CDH6: variants seen among roughly 807,000 people sequenced by gnomAD.
The protein encoded by CDH6 is cadherin-6.
A neutral mutation model predicts 78.0 loss-of-function variants in CDH6; 31 were observed. That is an observed-to-expected ratio of 0.40 (90% CI 0.30 to 0.54). CDH6 has a LOEUF of 0.54. Among genes scored for constraint, CDH6 ranks in the 20% least tolerant of loss-of-function variants. The pLI, the probability that CDH6 is intolerant of heterozygous loss-of-function variation, is 0.56. For synonymous variants in CDH6, 376 were observed against 368.8 expected, an observed-to-expected ratio of 1.02 and a Z score of -0.23; for missense variants, 724 against 975.9, an observed-to-expected ratio of 0.74 and a Z score of 3.44.
At chr5:31,199,672 T>TGG (rs1343230588) in intron 1 of CDH6, among the ~76,000 whole-genome samples, 3 of 71,696 alleles carry the variant, frequency 4.2e-5, no homozygotes, top group African/African-American at 1.5e-4. Context: ...TGTGTGTATG[T>TGG]GTGTGTGTGT....
At chr5:31,240,478 C>T (rs1741568736) in intron 1 of CDH6, among the ~76,000 whole-genome samples, 1 of 152,048 alleles carries the variant, frequency 6.6e-6, no homozygotes, top group African/African-American at 2.4e-5. Context: ...GTGTTGCAGG[C>T]CACAATCAGA....
chr5:31,248,568 G>C (rs1222023626), intron 1 of CDH6, among the ~76,000 whole-genome samples: 1 of 152,000 alleles, frequency 6.6e-6, no homozygotes, highest in Non-Finnish European at 1.5e-5. Flanking sequence ...TGAGACTTCG[G>C]GTTAACACTA....
chr5:31,254,559 A>C (rs1040603319), intron 1 of CDH6, among the ~76,000 whole-genome samples: 2 of 152,212 alleles, frequency 1.3e-5, no homozygotes, highest in Non-Finnish European at 2.9e-5. Context: ...ATGTCTTCCA[A>C]CTGACAGCAA....
At chr5:31,248,839 T>G (rs1207481755) in intron 1 of CDH6, among the ~76,000 whole-genome samples, 1 of 152,226 alleles carries the variant, frequency 6.6e-6, no homozygotes, top group Non-Finnish European at 1.5e-5. Context: ...GCAGGCAATT[T>G]GAGGAAAAAT....
chr5:31,239,972 T>C (rs532451701), intron 1 of CDH6, among the ~76,000 whole-genome samples: 1 of 152,332 alleles, frequency 6.6e-6, no homozygotes, highest in South Asian at 2.1e-4. Context: ...TTTCTCTTTT[T>C]ATTCATATCA....
intron 2 of CDH6, among the ~76,000 whole-genome samples, chr5:31,276,814 A>G (rs1202338396): frequency 1.3e-5 from 2 of 152,320 alleles, no homozygotes; most frequent in South Asian, 2.1e-4. Context: ...TGTTAAATGA[A>G]AGGAGTCATA....
chr5:31,299,084 C>A (rs2149949986), intron 4 of CDH6, among the ~76,000 whole-genome samples: 1 of 152,264 alleles, frequency 6.6e-6, no homozygotes, highest in Non-Finnish European at 1.5e-5. Context: ...TTTTATCAAG[C>A]ATATTATAGT....
chr5:31,258,932 A>G (rs1414691523), intron 1 of CDH6, among the ~76,000 whole-genome samples: 1 of 152,218 alleles, frequency 6.6e-6, no homozygotes, highest in African/African-American at 2.4e-5. Context: ...AGTCTGATGC[A>G]TGAATTGGGA....
chr5:31,267,712 T>C lies in CDH6; in HGVS notation c.228+11T>C, dbSNP rs1197275774. On this transcript the variant is annotated intron_variant, in intron 2 of 11. Transcript: ENST00000265071. The stretch of plus-strand genomic sequence containing the variant: ...CAGTATGTGGGCAAGGTAGGATTCC[T>C]TTGAGTGCTTTGACATTCTGGGTTT... The C allele has an allele frequency of 6.3e-6, 10 of 1,587,548 alleles. No homozygotes were observed. Among genetic ancestry groups the C allele is most frequent in the Non-Finnish European group, 8.7e-6 (10 of 1,155,700 alleles).
At chr5:31,258,564 C>A (rs1368585690) in intron 1 of CDH6, among the ~76,000 whole-genome samples, 3 of 151,938 alleles carry the variant, frequency 2.0e-5, no homozygotes, top group Non-Finnish European at 4.4e-5. Flanking sequence ...TGCAACAAAC[C>A]ACCATGGCAT....
At chr5:31,206,281 A>G (rs1399832889) in intron 1 of CDH6, among the ~76,000 whole-genome samples, 1 of 152,224 alleles carries the variant, frequency 6.6e-6, no homozygotes, top group Non-Finnish European at 1.5e-5. Context: ...GGTATTTTAT[A>G]TATACATATA....
chr5:31,254,715 G>A (rs772901210), intron 1 of CDH6, among the ~76,000 whole-genome samples: 4 of 152,130 alleles, frequency 2.6e-5, no homozygotes, highest in African/African-American at 2.4e-5. Flanking sequence ...TGCGATGTGC[G>A]CATTTTATTT....
At chr5:31,204,695 C>T (rs72749636) in intron 1 of CDH6, among the ~76,000 whole-genome samples, 1,701 of 152,162 alleles carry the variant, frequency 0.011, 12 homozygotes, top group Middle Eastern at 0.027. Context: ...CTTTTTATCA[C>T]GGCTGGTTAG....
intron 11 of CDH6, among the ~76,000 whole-genome samples, chr5:31,320,456 T>C (rs1224663799): frequency 6.6e-6 from 1 of 152,182 alleles, no homozygotes; most frequent in Non-Finnish European, 1.5e-5. Flanking sequence ...CGTGACTGAA[T>C]GAGCCCATGT....
intron 1 of CDH6, among the ~76,000 whole-genome samples, chr5:31,260,622 T>C (rs1742188246): frequency 6.6e-6 from 1 of 152,224 alleles, no homozygotes; most frequent in Non-Finnish European, 1.5e-5. Context: ...TAAAATCGCT[T>C]CATCTGGAAA....
chr5:31,313,625 C>A (rs994235008), intron 8 of CDH6, among the ~76,000 whole-genome samples, 171 bp downstream of exon 8: 17 of 152,062 alleles, frequency 1.1e-4, no homozygotes, highest in Admixed American at 1.3e-4. Context: ...TACATTGGCT[C>A]ACACATAAAT....
At chr5:31,274,125 C>T (rs1398558412) in intron 2 of CDH6, among the ~76,000 whole-genome samples, 1 of 152,216 alleles carries the variant, frequency 6.6e-6, no homozygotes, top group Non-Finnish European at 1.5e-5. Flanking sequence ...CATACACTTG[C>T]TCATTGGATA....
At position 31,227,477 on chromosome 5, in the gene CDH6, A is replaced by T. The variant is rs561008105; in HGVS notation, c.-129+33591A>T. On this transcript the variant is annotated intron_variant, in intron 1 of 11. Coordinates refer to ENST00000265071, the MANE Select transcript of CDH6 (RefSeq NM_004932.4). ...TATACATTTTGAAGTTATTTGCTTT[A>T]TAGTTTTTGGGAGTTCAGAAGAGAA... Among the ~76,000 whole-genome samples, 3 of 152,316 alleles carry T rather than the reference A, an allele frequency of 2.0e-5. 1 individual carries two copies. The South Asian group carries it at 6.2e-4, about 32-fold the overall frequency.
At chr5:31,284,271 A>G (rs1020117858) in intron 2 of CDH6, among the ~76,000 whole-genome samples, 2 of 152,162 alleles carry the variant, frequency 1.3e-5, no homozygotes, top group African/African-American at 4.8e-5. Flanking sequence ...AGCTATCTCA[A>G]TGGGGTTTGT....
Sources: gnomAD v4.1 joint callset for allele counts (sites outside exome capture counted in the v4.1 genomes callset) on GRCh38, gnomAD v4.1.1 for gene constraint, MANE v1.5 for transcripts, NCBI Gene and HGNC (gene_info 2026-07-23, HGNC 2026-07-21) for gene names.